The following TTN variants were observed in gnomAD, a reference collection of about 807,000 sequenced individuals.
TTN encodes the protein connectin.
TTN carries 1,525 observed loss-of-function variants against 3,223.0 expected under a neutral mutation model. That is an observed-to-expected ratio of 0.47 (90% CI 0.45 to 0.49). The LOEUF is 0.49. Among genes scored for constraint, TTN ranks in the 20% least tolerant of loss-of-function variants. The pLI, the probability that TTN is intolerant of heterozygous loss-of-function variation, is 0.00. For missense variants in TTN, 40,786 were observed against 43,424.0 expected (o/e 0.94, Z 5.40); for synonymous variants, 14,094 against 15,161.0 (o/e 0.93, Z 5.17).
At chr2:178,550,608 C>A in intron 336 of TTN, 1 of 404,546 alleles carries the variant, frequency 2.5e-6, no homozygotes, top group Non-Finnish European at 4.4e-6. Context: ...TGCATTCAAG[C>A]AAGGGGATGA....
Position 178,728,333 on chromosome 2 carries a change from A to G in TTN, c.19491T>C (p.Ser6497=), listed in dbSNP as rs750568891. 6.2e-7 allele frequency: 1 copy of G among 1,611,482 alleles called. No individual in the cohort carries two copies. The highest frequency in any genetic ancestry group is 1.3e-5 in the African/African-American group (1 of 74,828). The change falls in exon 67 of 363, where the codon TCT becomes TCC. Residue 6497 remains serine (S), a synonymous_variant. Coordinates refer to ENST00000589042, the MANE Select transcript of TTN (RefSeq NM_001267550.2). ...CAGACACCTTGCACTCCATATGAATAGAAGAGCCCAGAACTTTATCCATTT... is the reference window on the plus strand; with the variant it reads ...CAGACACCTTGCACTCCATATGAATGGAAGAGCCCAGAACTTTATCCATTT... ...LTKMDKVLGS[S]IHMECKVSGS...
rs750470708 is a variant in TTN at position 178,713,379 on chromosome 2, G to GATACA, written c.26762-12_26762-8dup. 17 of 1,376,996 alleles carry GATACA rather than the reference G, an allele frequency of 1.2e-5. No homozygotes were observed. 85.3% of individuals were successfully genotyped at this position (1,376,996 alleles called of 1,614,324 possible). A position where few individuals can be genotyped will look rare whatever the true frequency, so the allele number is the denominator to read the frequency against. On this transcript the variant is annotated splice_polypyrimidine_tract_variant and splice_region_variant and intron_variant, in intron 92 of 362. Coordinates refer to ENST00000589042, the MANE Select transcript of TTN (RefSeq NM_001267550.2). ...GAAGGAGGAACGGTTCGGTCTGAAT[G>GATACA]ATACAAAACAAAACAAAACAAAACA...
intron 44 of TTN, 137 bp from the exon 45 acceptor site, chr2:178,758,053 G>T: frequency 1.1e-6 from 1 of 932,660 alleles, no homozygotes; most frequent in Non-Finnish European, 1.5e-6. Flanking sequence ...GTCCTTGTAT[G>T]TCACTATTGA....
intron 96 of TTN, among the ~76,000 whole-genome samples, chr2:178,711,675 G>A (rs549642788): frequency 1.1e-4 from 17 of 152,194 alleles, no homozygotes; most frequent in Non-Finnish European, 2.2e-4. Context: ...AGATACTTAC[G>A]GGGTGGAATT....
At position 178,578,796 on chromosome 2, in the gene TTN, A is replaced by G. The variant is rs1457189616; in HGVS notation, c.68224+10T>C. Reference sequence around the variant, plus strand: ...TTTTGCTTTACGTCTTCTGAATTTAAGACACTTACCAAATGGATGTCTCGC... The same window carrying G: ...TTTTGCTTTACGTCTTCTGAATTTAGGACACTTACCAAATGGATGTCTCGC... On this transcript the variant is annotated intron_variant, in intron 320 of 362. Coordinates refer to ENST00000589042, the MANE Select transcript of TTN (RefSeq NM_001267550.2). The G allele has an allele frequency of 1.9e-6, 3 of 1,608,574 alleles. No individual in the cohort carries two copies. Among genetic ancestry groups the G allele is most frequent in the Non-Finnish European group, 1.7e-6 (2 of 1,177,606 alleles).
rs1356852922 is a variant in TTN, at chr2:178,630,869, C to T, written c.44089G>A (p.Glu14697Lys). The change falls in exon 238 of 363, where the codon GAA (glutamate) becomes AAA (lysine). Residue 14697 changes from glutamate (E) to lysine (K), a missense_variant. Coordinates refer to ENST00000589042, the MANE Select transcript of TTN (RefSeq NM_001267550.2). ...GCGTGGATATCATCTTCAGAGATTTCGGTTTCAAAGCGTGCTGTCTCAGTC... is the reference window on the plus strand; with the variant it reads ...GCGTGGATATCATCTTCAGAGATTTTGGTTTCAAAGCGTGCTGTCTCAGTC... ...METETARFETEISEDDIHANW... is the reference protein window; with the variant it reads ...METETARFETKISEDDIHANW... 6.8e-6 allele frequency: 11 copies of T among 1,613,210 alleles called. No homozygotes were observed. The highest frequency in any genetic ancestry group is 6.7e-5 in the African/African-American group (5 of 74,876).
At position 178,536,239 on chromosome 2, in the gene TTN, C is replaced by A. The variant is rs1333857764; in HGVS notation, c.100508G>T (p.Arg33503Ile). Residue 33503 changes from arginine to isoleucine, a missense_variant, in exon 357 of 363, where the codon AGA becomes ATA. Transcript: ENST00000589042. ...GCTCTGATATCTGACATTTAGATTT[C>A]TCAGTTCCTCTTTAAAGTGTGGTGC... Reference protein sequence around the residue: ...IQAPHFKEELRNLNVRYQSNA... With the variant: ...IQAPHFKEELINLNVRYQSNA... 1.2e-6 allele frequency: 2 copies of A among 1,613,436 alleles called. No individual in the cohort carries two copies. The highest frequency in any genetic ancestry group is 1.7e-6 in the Non-Finnish European group (2 of 1,179,624).
chr2:178,774,195 G>A lies in TTN; in HGVS notation c.7057+12C>T. 1 of 1,614,034 alleles carries A rather than the reference G, an allele frequency of 6.2e-7. No individual in the cohort carries two copies. The highest frequency in any genetic ancestry group is 8.5e-7 in the Non-Finnish European group (1 of 1,179,968). ...ATGCTCACTGCAGGCTGACAGGAATGGGAGGACTTACGTTTCATCTTTAAT... is the reference window on the plus strand; with the variant it reads ...ATGCTCACTGCAGGCTGACAGGAATAGGAGGACTTACGTTTCATCTTTAAT... On this transcript the variant is annotated intron_variant, in intron 30 of 362. Transcript: ENST00000589042.
Position 178,635,623 on chromosome 2 carries a change from T to G in TTN, c.41701A>C (p.Thr13901Pro). The change falls in exon 227 of 363, where the codon ACT (threonine) becomes CCT (proline). Residue 13901 changes from threonine (T) to proline (P), a missense_variant. Physicochemically the swap from Thr to Pro is conservative, Grantham distance 38. Coordinates refer to ENST00000589042, the MANE Select transcript of TTN (RefSeq NM_001267550.2). Reference sequence around the variant, plus strand: ...CCTTTGAACCACTTAATGTTTGGAGTATCTTTTGCTATATCACAGGCAAAA... The same window carrying G: ...CCTTTGAACCACTTAATGTTTGGAGGATCTTTTGCTATATCACAGGCAAAA... ...AIFACDIAKD[T>P]PNIKWFKGYD... is the part of the protein sequence containing the mutation. 4 of 1,594,188 alleles carry G rather than the reference T, an allele frequency of 2.5e-6. No homozygotes were observed. Among genetic ancestry groups the G allele is most frequent in the Non-Finnish European group, 3.4e-6 (4 of 1,169,182 alleles).
In TTN at chr2:178,667,310, G is replaced by A. The variant is rs1179230741; in HGVS notation, c.35723C>T (p.Thr11908Ile). 1 of 1,601,744 alleles carries A rather than the reference G, an allele frequency of 6.2e-7. No homozygotes were observed. The highest frequency in any genetic ancestry group is 1.3e-5 in the African/African-American group (1 of 74,668). Residue 11908 changes from threonine to isoleucine, a missense_variant, in exon 162 of 363, where the codon ACA (threonine) becomes ATA (isoleucine). Physicochemically the swap from Thr to Ile is moderately conservative, Grantham distance 89. Coordinates refer to ENST00000589042, the MANE Select transcript of TTN (RefSeq NM_001267550.2). ...RETPATKEPD[T>I]TRGIFPEVEP... ...CACCTCTGGAAAAATGCCTCTGGTT[G>A]TATCAGGTTCTTTAAAGATATTAGT...
rs1327521924 is a variant in TTN at position 178,537,917 on chromosome 2, G to T, written c.99290C>A (p.Ser33097Tyr). 2 of 1,601,864 alleles carry T rather than the reference G, an allele frequency of 1.2e-6. No homozygotes were observed. Among genetic ancestry groups the T allele is most frequent in the African/African-American group, 1.3e-5 (1 of 74,586 alleles). The change falls in exon 355 of 363, where the codon TCT (serine) becomes TAT (tyrosine). Residue 33097 changes from serine to tyrosine, a missense_variant and splice_region_variant. Coordinates refer to ENST00000589042, the MANE Select transcript of TTN (RefSeq NM_001267550.2). ...TAMSIKTKLT[S>Y]GEAPGIRKEM... ...TTTGCGTATTCCTGGGGCCTCTCCA[G>T]CTGAACAATATGAAAGATAATATTA...
chr2:178,712,084 G>A lies in TTN; in HGVS notation c.27746C>T (p.Thr9249Met), dbSNP rs745792278. 1.5e-5 allele frequency: 25 copies of A among 1,613,626 alleles called. No individual in the cohort carries two copies. Among genetic ancestry groups the A allele is most frequent in the African/African-American group, 5.3e-5 (4 of 74,886 alleles). The part of the protein sequence containing the change: ...YKGDTKLRPT[T>M]TYKMHFRNNV... ...ATTCCTAAAATGCATTTTGTAAGTC[G>A]TAGTGGGTCTCAATTTTGTATCTCC... is the stretch of plus-strand genomic sequence containing the variant. The change falls in exon 96 of 363, where the codon ACG (threonine) becomes ATG (methionine). Residue 9249 changes from threonine to methionine, a missense_variant. Transcript: ENST00000589042.
chr2:178,685,344 T>C lies in TTN; in HGVS notation c.32393-14A>G, dbSNP rs2154275385. The C allele has an allele frequency of 1.3e-6, 2 of 1,543,218 alleles. No homozygotes were observed. Among genetic ancestry groups the C allele is most frequent in the East Asian group, 2.4e-5 (1 of 40,982 alleles). ...GCCTCTCTGTCACTTGAAAAGATTATAAAATATGTTTGTAGAAATGTCTAG... is the reference window on the plus strand; with the variant it reads ...GCCTCTCTGTCACTTGAAAAGATTACAAAATATGTTTGTAGAAATGTCTAG... On this transcript the variant is annotated splice_polypyrimidine_tract_variant and intron_variant, in intron 128 of 362. Coordinates refer to ENST00000589042, the MANE Select transcript of TTN (RefSeq NM_001267550.2).
chr2:178,560,808 C>G lies in TTN; in HGVS notation c.85324G>C (p.Ala28442Pro). ...LKNVAGTRSV[A>P]VNCKVLDKPG... ...TTATCAAGTACTTTGCAATTAACGG[C>G]CACAGACCGAGTGCCGGCAACATTC... Residue 28442 changes from alanine (A) to proline (P), a missense_variant, in exon 326 of 363, where the codon GCC becomes CCC. Physicochemically the swap from Ala to Pro is conservative, Grantham distance 27. Transcript: ENST00000589042. 6.2e-7 allele frequency: 1 copy of G among 1,613,696 alleles called. No homozygotes were observed. The highest frequency in any genetic ancestry group is 2.2e-5 in the East Asian group (1 of 44,776).
In TTN at chr2:178,531,822, C is replaced by G. The variant is rs1689226913; in HGVS notation, c.104793G>C (p.Leu34931Phe). Residue 34931 changes from leucine (L) to phenylalanine (F), a missense_variant, in exon 358 of 363, where the codon TTG becomes TTC. Transcript: ENST00000589042. ...GGTCCAGTGTGAAAGGCTGCTGACT[C>G]AAAACTTCATACTTCCTTTCTGATG... ...QKTSERKYEV[L>F]SQQPFTLDHA... 6.2e-7 allele frequency: 1 copy of G among 1,613,840 alleles called. No homozygotes were observed. Among genetic ancestry groups the G allele is most frequent in the South Asian group, 1.1e-5 (1 of 91,070 alleles).
rs1423015364 is a variant in TTN, at chr2:178,718,366, T to C, written c.24740A>G (p.Asn8247Ser). ...DYAQYSCLIE[N>S]EAGQDICEAL... is the part of the protein sequence containing the mutation. ...TTCACAGATATCTTGACCAGCCTCA[T>C]TTTCTATCAGGCAGCTGTACTGTGC... is the stretch of plus-strand genomic sequence containing the variant. Residue 8247 changes from asparagine (N) to serine (S), a missense_variant, in exon 85 of 363, where the codon AAT (asparagine) becomes AGT (serine). By Grantham distance (46) the Asn-to-Ser change is conservative. Coordinates refer to ENST00000589042, the MANE Select transcript of TTN (RefSeq NM_001267550.2). The C allele has an allele frequency of 1.2e-6, 2 of 1,613,776 alleles. No individual in the cohort carries two copies. Among genetic ancestry groups the C allele is most frequent in the Non-Finnish European group, 1.7e-6 (2 of 1,179,732 alleles).
In TTN at chr2:178,579,196, C is replaced by T. The variant is rs757888367; in HGVS notation, c.67834G>A (p.Asp22612Asn). ...TTTCCAGCATCAGATTTTTGGCAAT[C>T]GTACACTATAAGAGTTGTGTTAACC... ...SAVNTTLIVY[D>N]CQKSDAGKYT... is the part of the protein sequence containing the mutation. The change falls in exon 320 of 363, where the codon GAT (aspartate) becomes AAT (asparagine). Residue 22612 changes from aspartate to asparagine, a missense_variant. Transcript: ENST00000589042. 2.1e-5 allele frequency: 34 copies of T among 1,613,366 alleles called. No homozygotes were observed. The highest frequency in any genetic ancestry group is 2.5e-5 in the Non-Finnish European group (29 of 1,179,602).
chr2:178,573,353 T>G lies in TTN; in HGVS notation c.72779A>C (p.Glu24260Ala), dbSNP rs770306141. ...GGSEIINYIV[E>A]RRDKAGQRWI... ...GCGTTGGCCAGCTTTATCACGCCGT[T>G]CCACAATATAATTGATGATTTCACT... The change falls in exon 326 of 363, where the codon GAA (glutamate) becomes GCA (alanine). Residue 24260 changes from glutamate (E) to alanine (A), a missense_variant. Coordinates refer to ENST00000589042, the MANE Select transcript of TTN (RefSeq NM_001267550.2). 6.5e-7 allele frequency: 1 copy of G among 1,534,204 alleles called. No homozygotes were observed. The highest frequency in any genetic ancestry group is 8.8e-7 in the Non-Finnish European group (1 of 1,141,410).
At chr2:178,696,371 A>T in intron 113 of TTN, 102 bp from the exon 114 acceptor site, 2 of 995,982 alleles carry the variant, frequency 2.0e-6, no homozygotes, top group Non-Finnish European at 2.8e-6. Context: ...TTTCAGATCT[A>T]TTTTATTGAT....
Sources: allele counts gnomAD v4.1 joint callset (sites outside exome capture counted in the v4.1 genomes callset), GRCh38; gene constraint gnomAD v4.1.1; transcripts MANE v1.5; gene names NCBI Gene and HGNC (gene_info 2026-07-23, HGNC 2026-07-21).